Variants in LRP1B observed in about 807,000 individuals in gnomAD.
The protein encoded by LRP1B is LDL receptor related protein 1B, also known as low-density lipoprotein receptor-related protein 1B.
A neutral mutation model predicts 556.6 loss-of-function variants in LRP1B; 217 were observed. The observed-to-expected ratio is 0.39, with a 90% CI of 0.35 to 0.44. LRP1B has a LOEUF of 0.44. Ranked by LOEUF, LRP1B falls within the 20% of genes least tolerant of loss-of-function variation. LRP1B has a pLI of 1.00. For missense variants in LRP1B, 5,053 were observed against 5,620.8 expected (o/e 0.90, Z 3.23); for synonymous variants, 2,047 against 1,865.8 (o/e 1.10, Z -2.50).
chr2:140,565,132 C>A (rs1274995105), intron 43 of LRP1B, among the ~76,000 whole-genome samples: 2 of 137,074 alleles, frequency 1.5e-5, no homozygotes, highest in East Asian at 4.5e-4. Context: ...CAAACATACT[C>A]CATATTCCTC....
rs374643208 is a variant in LRP1B at position 140,278,574 on chromosome 2, C to T, written c.12968-3976G>A. On this transcript the variant is annotated intron_variant, in intron 84 of 90. Coordinates refer to ENST00000389484, the MANE Select transcript of LRP1B (RefSeq NM_018557.3). ...ATTTTTTTTCATAGCATGTCAGATG[C>T]GCATTATTCAATGCAGTTGATTGGC... 2.1e-4 allele frequency among the ~76,000 whole-genome samples: 32 copies of T among 151,866 alleles called. No individual in the cohort carries two copies. The East Asian group carries it at 4.1e-3, about 19-fold the overall frequency.
chr2:140,831,470 A>T (rs981980153), intron 31 of LRP1B, among the ~76,000 whole-genome samples: 2 of 152,208 alleles, frequency 1.3e-5, no homozygotes, highest in Non-Finnish European at 2.9e-5. Context: ...AGATATCCCT[A>T]TGCAGAAGAA....
At chr2:141,983,452 A>AT (rs201246389) in intron 1 of LRP1B, among the ~76,000 whole-genome samples, 268 of 151,220 alleles carry the variant, frequency 1.8e-3, no homozygotes, top group East Asian at 0.017. Context: ...ATAAAACTAT[A>AT]TTTTTTTTTA....
intron 2 of LRP1B, among the ~76,000 whole-genome samples, chr2:141,651,285 T>C (rs1039151809): frequency 6.6e-6 from 1 of 152,186 alleles, no homozygotes; most frequent in Non-Finnish European, 1.5e-5. Context: ...TGTAAACATG[T>C]AGCAAGGATT....
intron 21 of LRP1B, among the ~76,000 whole-genome samples, chr2:140,922,073 T>C (rs536223032): frequency 1.3e-5 from 2 of 152,120 alleles, no homozygotes; most frequent in African/African-American, 4.8e-5. Flanking sequence ...CCATGGATTA[T>C]TGGGAGGATG....
intron 46 of LRP1B, among the ~76,000 whole-genome samples, chr2:140,536,165 C>T (rs1223795793): frequency 6.6e-6 from 1 of 151,330 alleles, no homozygotes; most frequent in Admixed American, 6.6e-5. Context: ...CACATTCTGG[C>T]TGGGTGTGGT....
chr2:141,939,945 T>C (rs72852523), intron 1 of LRP1B, among the ~76,000 whole-genome samples: 3,116 of 152,242 alleles, frequency 0.02, 55 homozygotes, highest in Non-Finnish European at 0.032. Flanking sequence ...TGGCTCACTA[T>C]CACTATGTCA....
chr2:140,649,265 C>T (rs1317480176), intron 41 of LRP1B, among the ~76,000 whole-genome samples: 1 of 152,206 alleles, frequency 6.6e-6, no homozygotes, highest in East Asian at 1.9e-4. Context: ...CCTTCCTCCA[C>T]TTACTACAGT....
chr2:141,221,136 A>T (rs1683018758), intron 6 of LRP1B, among the ~76,000 whole-genome samples: 1 of 152,160 alleles, frequency 6.6e-6, no homozygotes, highest in African/African-American at 2.4e-5. Flanking sequence ...AGACCCATTG[A>T]TGTGCTGTAT....
At chr2:142,060,291 A>G (rs930313718) in intron 1 of LRP1B, among the ~76,000 whole-genome samples, 1 of 151,980 alleles carries the variant, frequency 6.6e-6, no homozygotes. Context: ...GAGTTTTTAA[A>G]CCTGCATGCT....
intron 1 of LRP1B, among the ~76,000 whole-genome samples, chr2:141,885,037 AT>A (rs1699066190): frequency 6.6e-6 from 1 of 152,256 alleles, no homozygotes; most frequent in African/African-American, 2.4e-5. Flanking sequence ...AAGTATTCAT[AT>A]TAAATATTCA....
rs879942363 is a variant in LRP1B, at chr2:140,232,605, A to AT, written c.*580dup. ...AAATTATTAATTTTACATATTTTTA[A>AT]TTTTTTTCCTCAAAATTCTCATCTA... On this transcript the variant is annotated 3_prime_UTR_variant, in exon 91 of 91. Transcript: ENST00000389484. 3.3e-5 allele frequency: 5 copies of AT among 151,714 alleles called. No homozygotes were observed. Among genetic ancestry groups the AT allele is most frequent in the Admixed American group, 6.6e-5 (1 of 15,112 alleles). The allele number at this position is 151,714 out of a possible 1,614,324, so 9.4% of individuals were successfully genotyped here. A position where few individuals can be genotyped will look rare whatever the true frequency, so the allele number is the denominator to read the frequency against.
intron 20 of LRP1B, among the ~76,000 whole-genome samples, chr2:140,944,216 C>G (rs1299491280): frequency 2.6e-5 from 4 of 152,036 alleles, no homozygotes; most frequent in Non-Finnish European, 5.9e-5. Context: ...TAGATTAAAT[C>G]AGAAAGAATT....
chr2:141,603,782 T>G (rs1197963271), intron 2 of LRP1B, among the ~76,000 whole-genome samples: 3 of 152,192 alleles, frequency 2.0e-5, no homozygotes, highest in Admixed American at 6.5e-5. Context: ...TCAGGTAAGT[T>G]TCTTCTCTCA....
At chr2:140,983,826 T>C (rs1259536719) in intron 17 of LRP1B, among the ~76,000 whole-genome samples, 1 of 149,148 alleles carries the variant, frequency 6.7e-6, no homozygotes, top group Non-Finnish European at 1.5e-5. Context: ...ATCTGATTTT[T>C]TACATTTTAC....
chr2:142,077,122 GATAATA>G (rs1232993008), intron 1 of LRP1B, among the ~76,000 whole-genome samples: 1 of 152,046 alleles, frequency 6.6e-6, no homozygotes, highest in African/African-American at 2.4e-5. Flanking sequence ...TAACAATAAT[GATAATA>G]ATAAGTTACA....
chr2:141,900,229 TA>T (rs1699577573), intron 1 of LRP1B, among the ~76,000 whole-genome samples: 1 of 152,036 alleles, frequency 6.6e-6, no homozygotes. Flanking sequence ...ACAAGCCAAG[TA>T]AATAAAATTA....
chr2:140,907,053 T>C (rs1039476422), intron 22 of LRP1B, among the ~76,000 whole-genome samples: 9 of 151,964 alleles, frequency 5.9e-5, no homozygotes, highest in African/African-American at 1.9e-4. Context: ...ACTTTGGGCT[T>C]CAATGTAGTT....
At position 142,130,655 on chromosome 2, in the gene LRP1B, G is replaced by T. The variant is rs1268149135; in HGVS notation, c.75C>A (p.Ala25=). 6.2e-7 allele frequency: 1 copy of T among 1,611,360 alleles called. No individual in the cohort carries two copies. The change falls in exon 1 of 91, where the codon GCC becomes GCA. Residue 25 remains alanine (A), a synonymous_variant. Coordinates refer to ENST00000389484, the MANE Select transcript of LRP1B (RefSeq NM_018557.3). ...LPIARVLTVG[A]DRDQQLCDPG... is the part of the protein sequence containing the mutation. ...GGGAGGTGTTCTCCTTACCTCGGTC[G>T]GCTCCCACGGTCAGCACCCTGGCAA...
Sources: allele counts gnomAD v4.1 joint callset (sites outside exome capture counted in the v4.1 genomes callset), GRCh38; gene constraint gnomAD v4.1.1; transcripts MANE v1.5; gene names NCBI Gene and HGNC (gene_info 2026-07-23, HGNC 2026-07-21).